The following CCBE1 variants were observed in gnomAD, a reference collection of about 807,000 sequenced individuals.
The protein encoded by CCBE1 is collagen and calcium binding EGF domains 1, also known as collagen and calcium-binding EGF domain-containing protein 1.
In CCBE1, 37 loss-of-function variants were observed where a neutral mutation model predicts 50.0. The ratio of observed to expected loss-of-function variants is 0.74; its 90% CI spans 0.57 to 0.97. The LOEUF (loss-of-function observed/expected upper bound fraction) is 0.97. Ranked by LOEUF, CCBE1 falls within the 50% of genes least tolerant of loss-of-function variation. CCBE1 has a pLI of 0.00. For synonymous variants in CCBE1, 234 were observed against 203.7 expected (o/e 1.15, Z -1.27); for missense variants, 538 against 523.8 (o/e 1.03, Z -0.26).
chr18:59,671,253 C>T lies in CCBE1; in HGVS notation c.212+25376G>A, dbSNP rs944762993. ...GTGGCTCATACCTGTAATCCCAGCA[C>T]TTTGGGAGGCAGCCAAGACTGGCAG... On this transcript the variant is annotated intron_variant, in intron 2 of 10. Coordinates refer to ENST00000439986, the MANE Select transcript of CCBE1 (RefSeq NM_133459.4). Among the ~76,000 whole-genome samples, 5 of 152,040 alleles carry T rather than the reference C, an allele frequency of 3.3e-5. No homozygotes were observed. In the East Asian group the frequency reaches 7.7e-4, roughly 23 times the overall value.
At chr18:59,498,545 T>A (rs2143829019) in intron 2 of CCBE1, among the ~76,000 whole-genome samples, 1 of 152,338 alleles carries the variant, frequency 6.6e-6, no homozygotes, top group East Asian at 1.9e-4. Flanking sequence ...ACTGGTAACC[T>A]TAAAGAGTTA....
chr18:59,624,933 C>G (rs2053760087), intron 2 of CCBE1, among the ~76,000 whole-genome samples: 3 of 152,234 alleles, frequency 2.0e-5, no homozygotes, highest in Admixed American at 2.0e-4. Flanking sequence ...TTGATACACT[C>G]ACACATAGCT....
Position 59,633,731 on chromosome 18 carries a change from G to GTTTTT in CCBE1, c.212+62893_212+62897dup, listed in dbSNP as rs565486478. On this transcript the variant is annotated intron_variant, in intron 2 of 10. Coordinates refer to ENST00000439986, the MANE Select transcript of CCBE1 (RefSeq NM_133459.4). ...CTGCTTCTTCCTAAATTTAGGGTTT[G>GTTTTT]TTTTTTTTTTTTTAAAATAAAACCT... 3.1e-3 allele frequency among the ~76,000 whole-genome samples: 437 copies of GTTTTT among 140,394 alleles called. 2 individuals carry two copies. The highest frequency in any genetic ancestry group is 0.011 in the African/African-American group (419 of 37,668). 92.1% of individuals were successfully genotyped at this position (140,394 alleles called of 152,430 possible). A position where few individuals can be genotyped will look rare whatever the true frequency, so the allele number is the denominator to read the frequency against.
chr18:59,566,794 C>T (rs1275335366), intron 2 of CCBE1, among the ~76,000 whole-genome samples: 2 of 152,122 alleles, frequency 1.3e-5, no homozygotes, highest in Admixed American at 6.5e-5. Flanking sequence ...AACCCCCACC[C>T]GCTGCTGCCC....
chr18:59,633,558 G>A (rs139994192), intron 2 of CCBE1, among the ~76,000 whole-genome samples: 21 of 152,246 alleles, frequency 1.4e-4, no homozygotes, highest in African/African-American at 4.1e-4. Context: ...TCATTAAGCC[G>A]TGTTTTCAGG....
At chr18:59,493,971 T>C (rs1038679494) in intron 2 of CCBE1, among the ~76,000 whole-genome samples, 2 of 152,182 alleles carry the variant, frequency 1.3e-5, no homozygotes, top group South Asian at 2.1e-4. Context: ...CCATGTAAGA[T>C]GTGACTTGTT....
At chr18:59,625,964 A>G (rs932272673) in intron 2 of CCBE1, among the ~76,000 whole-genome samples, 1 of 152,204 alleles carries the variant, frequency 6.6e-6, no homozygotes, top group Non-Finnish European at 1.5e-5. Flanking sequence ...CACAGTTGCA[A>G]GAAAATAAAT....
chr18:59,507,931 A>G (rs925392344), intron 2 of CCBE1, among the ~76,000 whole-genome samples: 1 of 146,648 alleles, frequency 6.8e-6, no homozygotes, highest in African/African-American at 2.5e-5. Flanking sequence ...TCCCTCTGTC[A>G]CCAGGCTGAA....
intron 2 of CCBE1, among the ~76,000 whole-genome samples, chr18:59,599,779 G>A (rs2053406348): frequency 6.6e-6 from 1 of 152,160 alleles, no homozygotes; most frequent in Non-Finnish European, 1.5e-5. Flanking sequence ...GGGGTCTATG[G>A]ATAGACTAGA....
intron 7 of CCBE1, 73 bp from the exon 8 acceptor site, chr18:59,439,889 G>C: frequency 6.5e-7 from 1 of 1,536,668 alleles, no homozygotes; most frequent in Non-Finnish European, 8.9e-7. Flanking sequence ...CAAGAGTCCA[G>C]GACCCCTGCA....
chr18:59,466,973 C>A, intron 4 of CCBE1, 82 bp from the exon 5 acceptor site: 1 of 1,253,558 alleles, frequency 8.0e-7, no homozygotes, highest in Non-Finnish European at 1.2e-6. Context: ...CTTTGCCTCT[C>A]TGTTAATAAC....
chr18:59,558,727 C>T (rs2052688161), intron 2 of CCBE1, among the ~76,000 whole-genome samples: 1 of 152,146 alleles, frequency 6.6e-6, no homozygotes, highest in African/African-American at 2.4e-5. Flanking sequence ...AGCCAGGATA[C>T]AGCTTAGCTT....
In CCBE1 at chr18:59,560,365, C is replaced by T. The variant is rs563763142; in HGVS notation, c.213-80127G>A. Among the ~76,000 whole-genome samples, 12 of 152,264 alleles carry T rather than the reference C, an allele frequency of 7.9e-5. No homozygotes were observed. The East Asian group carries it at 1.5e-3, about 20-fold the overall frequency. Reference sequence around the variant, plus strand: ...AACACGGGAACAGGAAACTAAACACCGCATGTTCTCACTCATAAGTGGGAG... The same window carrying T: ...AACACGGGAACAGGAAACTAAACACTGCATGTTCTCACTCATAAGTGGGAG... On this transcript the variant is annotated intron_variant, in intron 2 of 10. Transcript: ENST00000439986.
chr18:59,575,499 T>C (rs560790095), intron 2 of CCBE1, among the ~76,000 whole-genome samples: 4 of 152,288 alleles, frequency 2.6e-5, no homozygotes, highest in Admixed American at 6.5e-5. Context: ...ATGTTCAAAT[T>C]ATAGTCAGGA....
At chr18:59,551,888 C>G (rs552372493) in intron 2 of CCBE1, among the ~76,000 whole-genome samples, 4 of 152,182 alleles carry the variant, frequency 2.6e-5, no homozygotes, top group African/African-American at 9.7e-5. Context: ...CATTAGGTAT[C>G]GATTGCTGTG....
At chr18:59,619,784 T>C (rs1416556391) in intron 2 of CCBE1, among the ~76,000 whole-genome samples, 1 of 152,202 alleles carries the variant, frequency 6.6e-6, no homozygotes, top group Non-Finnish European at 1.5e-5. Flanking sequence ...TGATTTTTTT[T>C]AAACTCCTCT....
chr18:59,520,207 G>C (rs1914539648), intron 2 of CCBE1, among the ~76,000 whole-genome samples: 1 of 152,128 alleles, frequency 6.6e-6, no homozygotes, highest in Non-Finnish European at 1.5e-5. Flanking sequence ...CTAATTCTGT[G>C]AAGAAAGTCA....
intron 2 of CCBE1, among the ~76,000 whole-genome samples, chr18:59,580,830 A>G (rs2053073817): frequency 6.6e-6 from 1 of 152,214 alleles, no homozygotes; most frequent in Non-Finnish European, 1.5e-5. Flanking sequence ...GATGCCACAC[A>G]TCTGTGGGTG....
intron 2 of CCBE1, among the ~76,000 whole-genome samples, chr18:59,678,024 G>A (rs1003164370): frequency 6.6e-6 from 1 of 152,066 alleles, no homozygotes; most frequent in African/African-American, 2.4e-5. Context: ...TATCCCAAAC[G>A]GCAACACAAC....
Sources: gnomAD v4.1 joint callset for allele counts (sites outside exome capture counted in the v4.1 genomes callset) on GRCh38, gnomAD v4.1.1 for gene constraint, MANE v1.5 for transcripts, NCBI Gene and HGNC (gene_info 2026-07-23, HGNC 2026-07-21) for gene names.